Variants in MFSD6 observed in about 807,000 individuals in gnomAD.
The protein encoded by MFSD6 is major facilitator superfamily domain containing 6, also known as major facilitator superfamily domain-containing protein 6.
MFSD6 carries 26 observed loss-of-function variants against 56.3 expected under a neutral mutation model. That is an observed-to-expected ratio of 0.46 (90% CI 0.34 to 0.64). MFSD6 has a LOEUF of 0.64. MFSD6 is among the 30% of genes least tolerant of loss of function. MFSD6 has a pLI of 0.01. For missense variants in MFSD6, 750 were observed against 986.2 expected (o/e 0.76, Z 3.21); for synonymous variants, 331 against 366.9 (o/e 0.90, Z 1.12).
In MFSD6 at chr2:190,471,985, G is replaced by T. The variant is rs1687969243; in HGVS notation, c.1630+2130G>T. Among the ~76,000 whole-genome samples the T allele has an allele frequency of 6.6e-6, 1 of 152,188 alleles. No individual in the cohort carries two copies. The highest frequency in any genetic ancestry group is 6.5e-5 in the Admixed American group (1 of 15,288). Reference sequence around the variant, plus strand: ...GCTGATACCCAGGCAAACAGGGTCTGGAGTGGACCTCCAGCAAACTCCAAC... The same window carrying T: ...GCTGATACCCAGGCAAACAGGGTCTTGAGTGGACCTCCAGCAAACTCCAAC... On this transcript the variant is annotated intron_variant, in intron 4 of 7. Coordinates refer to ENST00000392328, the MANE Select transcript of MFSD6 (RefSeq NM_017694.4). The surrounding 1 kb of genome is among the most constrained non-coding windows in gnomAD (Gnocchi z 4.7).
intron 4 of MFSD6, chr2:190,477,503 G>A: frequency 3.7e-6 from 1 of 271,638 alleles, no homozygotes; most frequent in Non-Finnish European, 5.6e-6. Context: ...CAAGAAAAGA[G>A]AACATCCATG....
Position 190,412,133 on chromosome 2 carries a change from T to C in MFSD6, c.-175-3159T>C. On this transcript the variant is annotated intron_variant, in intron 1 of 7. Coordinates refer to ENST00000392328, the MANE Select transcript of MFSD6 (RefSeq NM_017694.4). The surrounding 1 kb of genome is among the most constrained non-coding windows in gnomAD (Gnocchi z 4.1). Reference sequence around the variant, plus strand: ...AATACAGTCCCATAGTTCTATCCAATTCTATGTAAAATTAACTAAAACCAC... The same window carrying C: ...AATACAGTCCCATAGTTCTATCCAACTCTATGTAAAATTAACTAAAACCAC... 1.0e-6 allele frequency: 1 copy of C among 983,978 alleles called. No individual in the cohort carries two copies. The highest frequency in any genetic ancestry group is 1.2e-6 in the Non-Finnish European group (1 of 828,642). The allele number at this position is 983,978 out of a possible 1,614,324, so 61.0% of individuals were successfully genotyped here.
At chr2:190,411,795 C>T (rs144298583) in intron 1 of MFSD6, 11,331 of 985,244 alleles carry the variant, frequency 0.012, 130 homozygotes, top group South Asian at 0.072. Context: ...GTAACTGTAG[C>T]ATATTCTACA....
chr2:190,426,751 T>C lies in MFSD6; in HGVS notation c.-53-9226T>C, dbSNP rs1685795659. ...CATTGATTGCCTTTCTCCATTCAGT[T>C]TGAGATCTTCCTGGTTCTTGGTGTG... On this transcript the variant is annotated intron_variant, in intron 2 of 7. Coordinates refer to ENST00000392328, the MANE Select transcript of MFSD6 (RefSeq NM_017694.4). This position sits in a 1 kb window ranked among gnomAD's most constrained non-coding sequence, Gnocchi z 4.7. Among the ~76,000 whole-genome samples, 1 of 152,210 alleles carries C rather than the reference T, an allele frequency of 6.6e-6. No individual in the cohort carries two copies. Among genetic ancestry groups the C allele is most frequent in the Non-Finnish European group, 1.5e-5 (1 of 68,034 alleles).
chr2:190,461,409 C>T lies in MFSD6; in HGVS notation c.1533-8349C>T, dbSNP rs1687322224. 6.6e-6 allele frequency among the ~76,000 whole-genome samples: 1 copy of T among 151,886 alleles called. No homozygotes were observed. Among genetic ancestry groups the T allele is most frequent in the African/African-American group, 2.4e-5 (1 of 41,146 alleles). On this transcript the variant is annotated intron_variant, in intron 3 of 7. Coordinates refer to ENST00000392328, the MANE Select transcript of MFSD6 (RefSeq NM_017694.4). The surrounding 1 kb of genome is among the most constrained non-coding windows in gnomAD (Gnocchi z 5.5). ...ATTATATGAGGTTCTAGTGTTGTATCCTTTTAGAGATATTCTGTTCATATG... is the reference window on the plus strand; with the variant it reads ...ATTATATGAGGTTCTAGTGTTGTATTCTTTTAGAGATATTCTGTTCATATG...
chr2:190,421,509 CA>C (rs1175836985), intron 2 of MFSD6, among the ~76,000 whole-genome samples: 3 of 151,574 alleles, frequency 2.0e-5, no homozygotes, highest in Non-Finnish European at 4.4e-5. Flanking sequence ...CAAACCAAAA[CA>C]AAAAAACAGA....
At chr2:190,453,869 T>C (rs2125094386) in intron 3 of MFSD6, among the ~76,000 whole-genome samples, 1 of 152,334 alleles carries the variant, frequency 6.6e-6, no homozygotes, top group African/African-American at 2.4e-5. Flanking sequence ...AAACAAGACT[T>C]GACCAGCAAA....
chr2:190,419,825 T>C (rs1308098366), intron 2 of MFSD6, among the ~76,000 whole-genome samples: 6 of 152,238 alleles, frequency 3.9e-5, no homozygotes, highest in Admixed American at 3.3e-4. Flanking sequence ...TAGGTACTGG[T>C]AGCATAGCTT....
chr2:190,499,949 A>G lies in MFSD6; in HGVS notation c.2173-66A>G, dbSNP rs1022840105. 62 of 1,603,264 alleles carry G rather than the reference A, an allele frequency of 3.9e-5. No individual in the cohort carries two copies. The highest frequency in any genetic ancestry group is 5.1e-5 in the Non-Finnish European group (60 of 1,171,150). ...CATGTTTCCTGTCTTACTTGAAAGC[A>G]TATATAAAAAGTTGGATTTATTTGC... On this transcript the variant is annotated intron_variant, in intron 7 of 7. Coordinates refer to ENST00000392328, the MANE Select transcript of MFSD6 (RefSeq NM_017694.4). This position sits in a 1 kb window ranked among gnomAD's most constrained non-coding sequence, Gnocchi z 6.0.
Position 190,489,964 on chromosome 2 carries a change from CAGGT to C in MFSD6, c.1891+99_1891+102del. ...CCTAGAAGTGGTACAGAGTATACAA[CAGGT>C]CTGTTTGGCTCAATTTTCTGAGTGG... is the stretch of plus-strand genomic sequence containing the variant. On this transcript the variant is annotated intron_variant, in intron 6 of 7. Coordinates refer to ENST00000392328, the MANE Select transcript of MFSD6 (RefSeq NM_017694.4). This position sits in a 1 kb window ranked among gnomAD's most constrained non-coding sequence, Gnocchi z 6.6. The C allele has an allele frequency of 9.7e-7, 1 of 1,028,826 alleles. No individual in the cohort carries two copies. Among genetic ancestry groups the C allele is most frequent in the South Asian group, 1.7e-5 (1 of 58,800 alleles). 63.7% of individuals were successfully genotyped at this position (1,028,826 alleles called of 1,614,324 possible). A position where few individuals can be genotyped will look rare whatever the true frequency, so the allele number is the denominator to read the frequency against.
In MFSD6 at chr2:190,437,116, C is replaced by A. The variant is rs771499928; in HGVS notation, c.1087C>A (p.Pro363Thr). ...CATCGATGGAAAGGGGTGTAAGCCC[C>A]CCGAGTACAGGAATTACCAGATCGT... ...VLIDGKGCKP[P>T]EYRNYQIVFI... The change falls in exon 3 of 8, where the codon CCC (proline) becomes ACC (threonine). Residue 363 changes from proline (P) to threonine (T), a missense_variant. This residue lies in a region of MFSD6 where 376 missense variants were observed against 437.9 expected (regional missense o/e 0.86). Transcript: ENST00000392328. This position sits in a 1 kb window ranked among gnomAD's most constrained non-coding sequence, Gnocchi z 5.9. The A allele has an allele frequency of 6.2e-6, 10 of 1,614,220 alleles. No individual in the cohort carries two copies. The East Asian group carries it at 2.2e-4, about 36-fold the overall frequency.
Position 190,462,310 on chromosome 2 carries a change from C to T in MFSD6, c.1533-7448C>T, listed in dbSNP as rs1574158149. 6.6e-6 allele frequency among the ~76,000 whole-genome samples: 1 copy of T among 152,228 alleles called. No individual in the cohort carries two copies. Among genetic ancestry groups the T allele is most frequent in the East Asian group, 1.9e-4 (1 of 5,172 alleles). On this transcript the variant is annotated intron_variant, in intron 3 of 7. Coordinates refer to ENST00000392328, the MANE Select transcript of MFSD6 (RefSeq NM_017694.4). The surrounding 1 kb of genome is among the most constrained non-coding windows in gnomAD (Gnocchi z 5.7). The stretch of plus-strand genomic sequence containing the variant: ...ACAGGACAAATTTTAGTGTTTCAGA[C>T]ACTGGCATTTAGCACCCAAGCGTCA...
intron 3 of MFSD6, among the ~76,000 whole-genome samples, chr2:190,450,678 A>G (rs1399200108): frequency 1.3e-5 from 2 of 151,462 alleles, no homozygotes; most frequent in African/African-American, 4.8e-5. Context: ...TTTTTTGTAG[A>G]GACGAGGTTT....
In MFSD6 at chr2:190,443,628, G is replaced by A. The variant is rs1686466186; in HGVS notation, c.1532+6067G>A. Among the ~76,000 whole-genome samples, 1 of 152,156 alleles carries A rather than the reference G, an allele frequency of 6.6e-6. No individual in the cohort carries two copies. The highest frequency in any genetic ancestry group is 1.5e-5 in the Non-Finnish European group (1 of 68,024). ...CCCCCTTAAACATCTTAGTCAAATTGAAATTTTTCTCCCCAAATTTCTGAT... is the reference window on the plus strand; with the variant it reads ...CCCCCTTAAACATCTTAGTCAAATTAAAATTTTTCTCCCCAAATTTCTGAT... On this transcript the variant is annotated intron_variant, in intron 3 of 7. Coordinates refer to ENST00000392328, the MANE Select transcript of MFSD6 (RefSeq NM_017694.4). The surrounding 1 kb of genome is among the most constrained non-coding windows in gnomAD (Gnocchi z 4.2).
chr2:190,412,376 A>G lies in MFSD6; in HGVS notation c.-175-2916A>G. Reference sequence around the variant, plus strand: ...ATCCAACATTTCATTTTGGGTTCTAATTATGTTTTAGGCAGAAGGAAATCT... The same window carrying G: ...ATCCAACATTTCATTTTGGGTTCTAGTTATGTTTTAGGCAGAAGGAAATCT... On this transcript the variant is annotated intron_variant, in intron 1 of 7. Transcript: ENST00000392328. This position sits in a 1 kb window ranked among gnomAD's most constrained non-coding sequence, Gnocchi z 4.1. 6 of 984,866 alleles carry G rather than the reference A, an allele frequency of 6.1e-6. No individual in the cohort carries two copies. The highest frequency in any genetic ancestry group is 7.2e-6 in the Non-Finnish European group (6 of 829,414). The allele number at this position is 984,866 out of a possible 1,614,324, so 61.0% of individuals were successfully genotyped here.
rs184586780 is a variant in MFSD6 at position 190,439,218 on chromosome 2, T to C, written c.1532+1657T>C. 6.6e-6 allele frequency among the ~76,000 whole-genome samples: 1 copy of C among 152,124 alleles called. No individual in the cohort carries two copies. Among genetic ancestry groups the C allele is most frequent in the Non-Finnish European group, 1.5e-5 (1 of 67,988 alleles). ...GTTAATAATGTCTTTAAAATCACTG[T>C]TATTCATTCCCAGAAAGGTACCCAG... On this transcript the variant is annotated intron_variant, in intron 3 of 7. Transcript: ENST00000392328. This position sits in a 1 kb window ranked among gnomAD's most constrained non-coding sequence, Gnocchi z 5.8.
At position 190,461,600 on chromosome 2, in the gene MFSD6, C is replaced by T. The variant is rs750454766; in HGVS notation, c.1533-8158C>T. ...CAGGTTCGGTGACTGGTAAAGGCCT[C>T]GTTCTCTGCCTCCCAGATAGCACCT... On this transcript the variant is annotated intron_variant, in intron 3 of 7. Transcript: ENST00000392328. The surrounding 1 kb of genome is among the most constrained non-coding windows in gnomAD (Gnocchi z 5.5). Among the ~76,000 whole-genome samples the T allele has an allele frequency of 1.3e-5, 2 of 152,148 alleles. No homozygotes were observed. Among genetic ancestry groups the T allele is most frequent in the African/African-American group, 4.8e-5 (2 of 41,444 alleles).
rs995675945 is a variant in MFSD6, at chr2:190,471,687, A to G, written c.1630+1832A>G. On this transcript the variant is annotated intron_variant, in intron 4 of 7. Transcript: ENST00000392328. This position sits in a 1 kb window ranked among gnomAD's most constrained non-coding sequence, Gnocchi z 4.7. The stretch of plus-strand genomic sequence containing the variant: ...TGGGGGCAGAGCATAGCCAAACAAA[A>G]GGCAGCAGAAACCTCTGCAGACTTA... Among the ~76,000 whole-genome samples the G allele has an allele frequency of 6.6e-6, 1 of 152,210 alleles. No homozygotes were observed. Among genetic ancestry groups the G allele is most frequent in the African/African-American group, 2.4e-5 (1 of 41,450 alleles).
intron 1 of MFSD6, among the ~76,000 whole-genome samples, chr2:190,409,131 G>A (rs759232278): frequency 6.6e-6 from 1 of 152,138 alleles, no homozygotes; most frequent in Non-Finnish European, 1.5e-5. Context: ...CCCACCTCGT[G>A]CTTTACTTCC....
Sources: gnomAD v4.1 joint callset for allele counts (sites outside exome capture counted in the v4.1 genomes callset) on GRCh38, gnomAD v4.1.1 for gene constraint, gnomAD v4.1.1 regional missense constraint, Gnocchi (gnomAD v3.1) non-coding constraint, MANE v1.5 for transcripts, NCBI Gene and HGNC (gene_info 2026-07-23, HGNC 2026-07-21) for gene names.